The following LDB2 variants were observed in gnomAD, a reference collection of about 807,000 sequenced individuals.
LDB2 encodes LIM domain-binding protein 2.
A neutral mutation model predicts 44.3 loss-of-function variants in LDB2; 12 were observed. The observed-to-expected ratio is 0.27, with a 90% CI of 0.17 to 0.44. The LOEUF is 0.44. Among genes scored for constraint, LDB2 ranks in the 20% least tolerant of loss-of-function variants. LDB2 has a pLI of 1.00. For missense variants in LDB2, 344 were observed against 473.5 expected (o/e 0.73, Z 2.54); for synonymous variants, 164 against 174.8 (o/e 0.94, Z 0.49).
chr4:16,522,394 G>A (rs1042954454), intron 5 of LDB2, among the ~76,000 whole-genome samples: 1 of 151,240 alleles, frequency 6.6e-6, no homozygotes, highest in African/African-American at 2.4e-5. Flanking sequence ...GGATGGTTGT[G>A]TCAATACTGA....
At chr4:16,791,945 T>C (rs919554841) in intron 1 of LDB2, among the ~76,000 whole-genome samples, 2 of 149,872 alleles carry the variant, frequency 1.3e-5, no homozygotes, top group Admixed American at 6.6e-5. Context: ...GCTCCAAACA[T>C]TTTTTTATTA....
intron 2 of LDB2, among the ~76,000 whole-genome samples, chr4:16,600,315 C>T (rs1164928626): frequency 2.0e-5 from 3 of 151,966 alleles, no homozygotes; most frequent in African/African-American, 7.3e-5. Flanking sequence ...CATTGTGCTC[C>T]TATGAAAAGG....
intron 5 of LDB2, among the ~76,000 whole-genome samples, chr4:16,552,187 T>G (rs1301179674): frequency 1.3e-5 from 2 of 152,344 alleles, no homozygotes; most frequent in East Asian, 3.9e-4. Context: ...CTGTTGTTTG[T>G]GCCTGATACA....
intron 1 of LDB2, among the ~76,000 whole-genome samples, chr4:16,805,454 A>C (rs1478465893): frequency 6.6e-6 from 1 of 152,180 alleles, no homozygotes; most frequent in African/African-American, 2.4e-5. Context: ...CCACTTTAGA[A>C]ATGTTGTCAA....
At chr4:16,892,436 T>A (rs1000589531) in intron 1 of LDB2, among the ~76,000 whole-genome samples, 2 of 152,224 alleles carry the variant, frequency 1.3e-5, no homozygotes, top group South Asian at 2.1e-4. Flanking sequence ...TCATATTGAT[T>A]TTTAAAAATT....
intron 2 of LDB2, among the ~76,000 whole-genome samples, chr4:16,660,012 G>A (rs1296091487): frequency 2.0e-5 from 3 of 152,088 alleles, no homozygotes; most frequent in East Asian, 3.9e-4. Context: ...ATTTTGCTCC[G>A]CAGGGTACAG....
chr4:16,754,885 A>G (rs1450379581), intron 2 of LDB2, among the ~76,000 whole-genome samples: 1 of 152,178 alleles, frequency 6.6e-6, no homozygotes, highest in East Asian at 1.9e-4. Flanking sequence ...GTCTCTGTTT[A>G]TCAAGCAAAG....
At chr4:16,639,949 G>A (rs937631344) in intron 2 of LDB2, among the ~76,000 whole-genome samples, 2 of 152,244 alleles carry the variant, frequency 1.3e-5, no homozygotes, top group Admixed American at 6.5e-5. Context: ...AATAGCATAT[G>A]TTGTCCATCT....
intron 1 of LDB2, among the ~76,000 whole-genome samples, chr4:16,879,088 A>G (rs16894150): frequency 5.2e-4 from 79 of 152,280 alleles, no homozygotes; most frequent in African/African-American, 1.8e-3. Flanking sequence ...GTCTGTTTTT[A>G]TGCGGTATTG....
At chr4:16,524,168 A>ACATTATTCATAAC (rs1337864998) in intron 5 of LDB2, among the ~76,000 whole-genome samples, 1 of 152,244 alleles carries the variant, frequency 6.6e-6, no homozygotes, top group Non-Finnish European at 1.5e-5. Flanking sequence ...TTATTCAAGC[A>ACATTATTCATAAC]TGTATCACAT....
At chr4:16,529,469 G>A (rs1729392627) in intron 5 of LDB2, among the ~76,000 whole-genome samples, 1 of 152,182 alleles carries the variant, frequency 6.6e-6, no homozygotes, top group Admixed American at 6.5e-5. Context: ...GGTCGGAGCT[G>A]AGGACCCTGC....
chr4:16,644,030 A>G lies in LDB2; in HGVS notation c.236-48155T>C, dbSNP rs552555540. 1.1e-4 allele frequency among the ~76,000 whole-genome samples: 16 copies of G among 152,206 alleles called. No individual in the cohort carries two copies. In the East Asian group the frequency reaches 1.3e-3, roughly 13 times the overall value. On this transcript the variant is annotated intron_variant, in intron 2 of 7. Transcript: ENST00000304523. ...ATTGTTTTTTGTCAATGTTTTGTCAACTTGTCAATTGCTCACACACAGTTT... is the reference window on the plus strand; with the variant it reads ...ATTGTTTTTTGTCAATGTTTTGTCAGCTTGTCAATTGCTCACACACAGTTT...
chr4:16,897,063 A>AT (rs1475951250), intron 1 of LDB2, among the ~76,000 whole-genome samples: 4 of 152,236 alleles, frequency 2.6e-5, no homozygotes, highest in Non-Finnish European at 1.5e-5. Context: ...TAAAATACAT[A>AT]TAAGTCCTTG....
chr4:16,546,048 ATT>A (rs1735631624), intron 5 of LDB2, among the ~76,000 whole-genome samples: 1 of 152,326 alleles, frequency 6.6e-6, no homozygotes, highest in African/African-American at 2.4e-5. Context: ...TCATGAACCC[ATT>A]TGTCTCATTT....
chr4:16,511,509 T>C (rs1721731077), intron 6 of LDB2, among the ~76,000 whole-genome samples: 1 of 152,172 alleles, frequency 6.6e-6, no homozygotes, highest in African/African-American at 2.4e-5. Context: ...TCTGTTCCTT[T>C]CTTCCTTCCT....
chr4:16,726,327 G>A (rs1759450865), intron 2 of LDB2: 2 of 152,076 alleles, frequency 1.3e-5, no homozygotes, highest in Non-Finnish European at 2.9e-5. Context: ...TGAGTCTTGG[G>A]TTCTTACCTC....
At chr4:16,771,218 G>T (rs1770585826) in intron 1 of LDB2, among the ~76,000 whole-genome samples, 1 of 151,866 alleles carries the variant, frequency 6.6e-6, no homozygotes, top group African/African-American at 2.4e-5. Flanking sequence ...GAAAACTCAA[G>T]ATTTTCTCTC....
chr4:16,588,827 A>G lies in LDB2; in HGVS notation c.414T>C (p.Cys138=). ...QHGKPMFTKV[C]TEGRLILEFT... ...ACTCCAAGATCAGTCTGCCTTCTGT[A>G]CATACCTGGAAGTGACAAACCACAC... is the stretch of plus-strand genomic sequence containing the variant. Residue 138 remains cysteine, a synonymous_variant, in exon 4 of 8, where the codon TGT becomes TGC. Coordinates refer to ENST00000304523, the MANE Select transcript of LDB2 (RefSeq NM_001290.5). The G allele has an allele frequency of 1.2e-6, 2 of 1,613,098 alleles. No homozygotes were observed. The highest frequency in any genetic ancestry group is 1.7e-6 in the Non-Finnish European group (2 of 1,179,722).
intron 5 of LDB2, among the ~76,000 whole-genome samples, chr4:16,579,445 G>T (rs75570441): frequency 6.6e-6 from 1 of 152,102 alleles, no homozygotes; most frequent in Non-Finnish European, 1.5e-5. Flanking sequence ...TTAGAAGAAC[G>T]CATTTCCAGT....
Sources: gnomAD v4.1 joint callset for allele counts (sites outside exome capture counted in the v4.1 genomes callset) on GRCh38, gnomAD v4.1.1 for gene constraint, MANE v1.5 for transcripts, NCBI Gene and HGNC (gene_info 2026-07-23, HGNC 2026-07-21) for gene names.